The following SOBP variants were observed in gnomAD, a reference collection of about 807,000 sequenced individuals.
SOBP encodes sine oculis binding protein homolog.
SOBP carries 4 observed loss-of-function variants against 53.6 expected under a neutral mutation model. That is an observed-to-expected ratio of 0.07 (90% CI 0.04 to 0.17). The LOEUF is 0.17. Ranked by LOEUF, SOBP falls within the 10% of genes least tolerant of loss-of-function variation. The probability of loss-of-function intolerance (pLI) is 1.00; values close to 1 mark genes in which losing one functional copy is unlikely to be tolerated. For missense variants in SOBP, 1,088 were observed against 1,204.7 expected, an observed-to-expected ratio of 0.90 and a Z score of 1.43; for synonymous variants, 584 against 522.6, an observed-to-expected ratio of 1.12 and a Z score of -1.60.
intron 5 of SOBP, among the ~76,000 whole-genome samples, chr6:107,588,773 A>G (rs1402724612): frequency 6.6e-6 from 1 of 152,232 alleles, no homozygotes; most frequent in African/African-American, 2.4e-5. Context: ...CTTTAGAGAA[A>G]ATAGATGTTT....
intron 4 of SOBP, among the ~76,000 whole-genome samples, chr6:107,583,811 C>T (rs1785482529): frequency 6.6e-6 from 1 of 152,124 alleles, no homozygotes; most frequent in African/African-American, 2.4e-5. Flanking sequence ...GTTCCTTATC[C>T]AAAATGCTTG....
chr6:107,586,500 G>A (rs1583241213), intron 4 of SOBP, among the ~76,000 whole-genome samples: 1 of 147,794 alleles, frequency 6.8e-6, no homozygotes, highest in African/African-American at 2.6e-5. Context: ...AACTTTTAAT[G>A]CAGCTTTTAA....
chr6:107,546,031 T>C (rs1784291959), intron 4 of SOBP, among the ~76,000 whole-genome samples: 1 of 152,146 alleles, frequency 6.6e-6, no homozygotes, highest in African/African-American at 2.4e-5. Context: ...AAAGTTTTAT[T>C]AGTACTAAAA....
chr6:107,644,711 T>C (rs1211109611), intron 6 of SOBP, among the ~76,000 whole-genome samples: 1 of 152,226 alleles, frequency 6.6e-6, no homozygotes, highest in Non-Finnish European at 1.5e-5. Context: ...TAATAGCTCT[T>C]ACCAAACAGC....
chr6:107,514,074 C>T (rs1783248343), intron 3 of SOBP: 1 of 152,546 alleles, frequency 6.6e-6, no homozygotes, highest in Admixed American at 6.6e-5. Flanking sequence ...TATCCTTAAC[C>T]ACTGGATTAT....
chr6:107,503,194 C>T lies in SOBP; in HGVS notation c.97-463C>T, dbSNP rs144964238. Among the ~76,000 whole-genome samples the T allele has an allele frequency of 2.7e-3, 413 of 152,264 alleles. 2 individuals carry two copies. Among genetic ancestry groups the T allele is most frequent in the African/African-American group, 9.3e-3 (386 of 41,542 alleles). ...CTTTGTTGAAATTTGGCGTTATCCG[C>T]GATAAGAGTTATCTTAAGAAAACAA... On this transcript the variant is annotated intron_variant, in intron 1 of 6. Coordinates refer to ENST00000317357, the MANE Select transcript of SOBP (RefSeq NM_018013.4).
chr6:107,496,120 A>G (rs541903752), intron 1 of SOBP, among the ~76,000 whole-genome samples: 2 of 152,332 alleles, frequency 1.3e-5, no homozygotes, highest in South Asian at 2.1e-4. Flanking sequence ...GGGTGTTAAT[A>G]TCTCTTATAT....
At chr6:107,652,829 T>C (rs1728108) in intron 6 of SOBP, among the ~76,000 whole-genome samples, 149,042 of 152,250 alleles carry the variant, frequency 0.98, 72,977 homozygotes, top group East Asian at 1. Context: ...GGTTATGGTT[T>C]GCTGAAGGCT....
chr6:107,547,751 T>C (rs1225993690), intron 4 of SOBP, among the ~76,000 whole-genome samples: 1 of 152,182 alleles, frequency 6.6e-6, no homozygotes, highest in Non-Finnish European at 1.5e-5. Flanking sequence ...GTACATACAT[T>C]AATCCACGGA....
intron 4 of SOBP, among the ~76,000 whole-genome samples, chr6:107,539,969 G>T (rs1393688795): frequency 2.0e-5 from 3 of 152,206 alleles, no homozygotes; most frequent in African/African-American, 7.2e-5. Flanking sequence ...GAGGGAGAAG[G>T]TTCTGAGAGT....
Position 107,584,062 on chromosome 6 carries a change from C to A in SOBP, c.574-3018C>A, listed in dbSNP as rs1274400467. Among the ~76,000 whole-genome samples the A allele has an allele frequency of 2.0e-5, 3 of 152,216 alleles. No individual in the cohort carries two copies. In the East Asian group the frequency reaches 5.8e-4, roughly 29 times the overall value. ...TGGTTCACTCCAGTGGGCCTGGGACCTGGTTAGAGAACATTCTGGCAGCTA... is the reference window on the plus strand; with the variant it reads ...TGGTTCACTCCAGTGGGCCTGGGACATGGTTAGAGAACATTCTGGCAGCTA... On this transcript the variant is annotated intron_variant, in intron 4 of 6. Coordinates refer to ENST00000317357, the MANE Select transcript of SOBP (RefSeq NM_018013.4).
Position 107,494,354 on chromosome 6 carries a change from A to G in SOBP, c.96+3642A>G, listed in dbSNP as rs200834182. 3.9e-5 allele frequency among the ~76,000 whole-genome samples: 6 copies of G among 152,250 alleles called. No individual in the cohort carries two copies. In the East Asian group the frequency reaches 9.6e-4, roughly 24 times the overall value. ...GTTAATTAGTTTTAAGAGTTCATCC[A>G]GAACATAGTAGATATAATATAAAAA... On this transcript the variant is annotated intron_variant, in intron 1 of 6. Coordinates refer to ENST00000317357, the MANE Select transcript of SOBP (RefSeq NM_018013.4).
chr6:107,610,768 ATG>A lies in SOBP; in HGVS notation c.670-22737_670-22736del, dbSNP rs201407656. Among the ~76,000 whole-genome samples, 2 of 150,192 alleles carry A rather than the reference ATG, an allele frequency of 1.3e-5. 1 individual carries two copies. The highest frequency in any genetic ancestry group is 4.3e-4 in the South Asian group (2 of 4,668). On this transcript the variant is annotated intron_variant, in intron 5 of 6. Coordinates refer to ENST00000317357, the MANE Select transcript of SOBP (RefSeq NM_018013.4). ...TCCCCATCTTTCTCTTTCTTTGCGC[ATG>A]TGTGTGTGCGCACGTGTGTGCACAC...
rs1456492566 is a variant in SOBP, at chr6:107,634,842, C to T, written c.1998C>T (p.Asn666=). 2.4e-5 allele frequency: 33 copies of T among 1,402,060 alleles called. No individual in the cohort carries two copies. In the Admixed American group the frequency reaches 7.8e-4, roughly 33 times the overall value. The allele number at this position is 1,402,060 out of a possible 1,614,324, so 86.9% of individuals were successfully genotyped here. ...LTVGHRARLH[N]VIHRALHAHV... ...TGGGCCACCGAGCCCGGCTGCACAACGTGATCCACCGCGCGCTGCACGCGC... is the reference window on the plus strand; with the variant it reads ...TGGGCCACCGAGCCCGGCTGCACAATGTGATCCACCGCGCGCTGCACGCGC... Residue 666 remains asparagine, a synonymous_variant, in exon 6 of 7, where the codon AAC becomes AAT. Coordinates refer to ENST00000317357, the MANE Select transcript of SOBP (RefSeq NM_018013.4). The surrounding 1 kb of genome is among the most constrained non-coding windows in gnomAD (Gnocchi z 4.5).
At chr6:107,606,332 C>T (rs372923369) in intron 5 of SOBP, among the ~76,000 whole-genome samples, 2 of 152,086 alleles carry the variant, frequency 1.3e-5, no homozygotes, top group African/African-American at 4.8e-5. Context: ...CCGCCTTGGC[C>T]TCCCAAAGTG....
intron 4 of SOBP, among the ~76,000 whole-genome samples, chr6:107,542,872 C>G (rs1330336747): frequency 6.6e-6 from 1 of 151,760 alleles, no homozygotes; most frequent in African/African-American, 2.4e-5. Flanking sequence ...TGGGGCTTGT[C>G]CCCAACCCGG....
intron 5 of SOBP, among the ~76,000 whole-genome samples, chr6:107,616,084 T>TGGGGGGGGGGGGGGGGGGGGGGGG (rs576223347): frequency 1.6e-5 from 1 of 62,572 alleles, no homozygotes; most frequent in Non-Finnish European, 3.4e-5. Flanking sequence ...GGAAGGGGGG[T>TGGGGGGGGGGGGGGGGGGGGGGGG]GGGGGGGGGG....
chr6:107,624,219 A>T (rs1296774259), intron 5 of SOBP, among the ~76,000 whole-genome samples: 1 of 152,236 alleles, frequency 6.6e-6, no homozygotes, highest in African/African-American at 2.4e-5. Context: ...TACATGAGGG[A>T]GGAAGAATTC....
intron 4 of SOBP, among the ~76,000 whole-genome samples, chr6:107,559,340 A>T (rs1234907814): frequency 1.3e-5 from 2 of 152,196 alleles, no homozygotes; most frequent in African/African-American, 4.8e-5. Flanking sequence ...CATACAGAAG[A>T]TGTGGAGGCT....
Sources: gnomAD v4.1 joint callset for allele counts (sites outside exome capture counted in the v4.1 genomes callset) on GRCh38, gnomAD v4.1.1 for gene constraint, Gnocchi (gnomAD v3.1) non-coding constraint, MANE v1.5 for transcripts, NCBI Gene and HGNC (gene_info 2026-07-23, HGNC 2026-07-21) for gene names.